Variants in LHFPL3 observed in about 807,000 individuals in gnomAD.
LHFPL3 encodes LHFPL tetraspan subfamily member 3, also known as LHFPL tetraspan subfamily member 3 protein.
In LHFPL3, 5 loss-of-function variants were observed where a neutral mutation model predicts 19.3. The ratio of observed to expected loss-of-function variants is 0.26; its 90% CI spans 0.14 to 0.54. The LOEUF is 0.54. Ranked by LOEUF, LHFPL3 falls within the 20% of genes least tolerant of loss-of-function variation. The pLI is 0.94. For missense variants in LHFPL3, 249 were observed against 307.4 expected (o/e 0.81, Z 1.42); for synonymous variants, 133 against 126.2 (o/e 1.05, Z -0.36).
chr7:104,646,125 A>T (rs2115917103), intron 1 of LHFPL3, among the ~76,000 whole-genome samples: 1 of 152,288 alleles, frequency 6.6e-6, no homozygotes, highest in African/African-American at 2.4e-5. Context: ...AAGGCACTTA[A>T]CCTCTGTGAG....
intron 1 of LHFPL3, among the ~76,000 whole-genome samples, chr7:104,701,877 T>A (rs540844980): frequency 8.2e-5 from 12 of 146,394 alleles, no homozygotes; most frequent in South Asian, 4.3e-4. Context: ...TTTAAAAAAA[T>A]TTATTATACT....
At chr7:104,329,713 G>A (rs1229650228) in intron 1 of LHFPL3, among the ~76,000 whole-genome samples, 1 of 152,182 alleles carries the variant, frequency 6.6e-6, no homozygotes, top group Non-Finnish European at 1.5e-5. Flanking sequence ...GGGGCGGGGG[G>A]CGGTGGCTGG....
chr7:104,620,696 A>G (rs2115800074), intron 1 of LHFPL3, among the ~76,000 whole-genome samples: 1 of 152,270 alleles, frequency 6.6e-6, no homozygotes, highest in African/African-American at 2.4e-5. Context: ...TGGGTACATA[A>G]TGGCCCGGAA....
chr7:104,608,822 C>G (rs145321568), intron 1 of LHFPL3, among the ~76,000 whole-genome samples: 1 of 152,128 alleles, frequency 6.6e-6, no homozygotes, highest in South Asian at 2.1e-4. Context: ...GATCCACCTA[C>G]GTGGACAAAT....
intron 2 of LHFPL3, among the ~76,000 whole-genome samples, chr7:104,902,742 C>T (rs1327876496): frequency 2.6e-5 from 4 of 152,104 alleles, no homozygotes; most frequent in African/African-American, 7.2e-5. Context: ...GCCGAGATCA[C>T]GCCACTGCAC....
At chr7:104,525,099 G>A (rs1270493838) in intron 1 of LHFPL3, among the ~76,000 whole-genome samples, 1 of 152,122 alleles carries the variant, frequency 6.6e-6, no homozygotes, top group Non-Finnish European at 1.5e-5. Context: ...TAGTGGGTGT[G>A]TTTGTTTCCC....
chr7:104,720,139 C>A (rs373730469), intron 1 of LHFPL3, among the ~76,000 whole-genome samples: 3 of 151,948 alleles, frequency 2.0e-5, no homozygotes, highest in Admixed American at 1.3e-4. Flanking sequence ...CTAATCTCAG[C>A]AGGCCTGCCT....
At chr7:104,417,333 CAGAT>C (rs1399971925) in intron 1 of LHFPL3, among the ~76,000 whole-genome samples, 2 of 152,126 alleles carry the variant, frequency 1.3e-5, no homozygotes, top group African/African-American at 2.4e-5. Context: ...AACAACTTCA[CAGAT>C]AGATAGTATG....
chr7:104,532,516 G>T (rs1187538179), intron 1 of LHFPL3, among the ~76,000 whole-genome samples: 1 of 151,960 alleles, frequency 6.6e-6, no homozygotes, highest in African/African-American at 2.4e-5. Flanking sequence ...TCTATCCAAA[G>T]CATGCACATA....
chr7:104,744,558 A>G (rs1481841416), intron 2 of LHFPL3, among the ~76,000 whole-genome samples: 1 of 152,210 alleles, frequency 6.6e-6, no homozygotes, highest in Non-Finnish European at 1.5e-5. Flanking sequence ...ATGCCCTTAT[A>G]GAATTGTCTT....
intron 1 of LHFPL3, among the ~76,000 whole-genome samples, chr7:104,653,370 A>C (rs1792064786): frequency 6.6e-6 from 1 of 152,202 alleles, no homozygotes; most frequent in Admixed American, 6.5e-5. Flanking sequence ...TTGAGGTTGG[A>C]GTAATAAGTG....
At chr7:104,841,528 G>GTGTGTCTT (rs1791208906) in intron 2 of LHFPL3, among the ~76,000 whole-genome samples, 2 of 151,726 alleles carry the variant, frequency 1.3e-5, no homozygotes, top group Non-Finnish European at 2.9e-5. Flanking sequence ...GTGTGTGTGT[G>GTGTGTCTT]TCTTTTAGGG....
chr7:104,645,237 C>T (rs1215495621), intron 1 of LHFPL3, among the ~76,000 whole-genome samples: 2 of 152,290 alleles, frequency 1.3e-5, no homozygotes, highest in East Asian at 1.9e-4. Context: ...TTTAATGATG[C>T]ATTTCTCCAA....
intron 1 of LHFPL3, among the ~76,000 whole-genome samples, chr7:104,351,695 G>C (rs1790177421): frequency 6.6e-6 from 1 of 152,140 alleles, no homozygotes; most frequent in Admixed American, 6.5e-5. Flanking sequence ...AATCCTAAGT[G>C]TTTGAGCGAA....
rs1330432941 is a variant in LHFPL3, at chr7:104,328,807, G to A, written c.28G>A (p.Ala10Thr). 6.2e-7 allele frequency: 1 copy of A among 1,606,220 alleles called. No individual in the cohort carries two copies. The highest frequency in any genetic ancestry group is 8.5e-7 in the Non-Finnish European group (1 of 1,176,038). MPGAAAAAA[A>T]AAAAMLPAQE... Reference sequence around the variant, plus strand: ...GCCCGGAGCCGCCGCCGCTGCCGCCGCCGCCGCCGCCGCGATGCTCCCGGC... The same window carrying A: ...GCCCGGAGCCGCCGCCGCTGCCGCCACCGCCGCCGCCGCGATGCTCCCGGC... The change falls in exon 1 of 3, where the codon GCC (alanine) becomes ACC (threonine). Residue 10 changes from alanine (A) to threonine (T), a missense_variant. Transcript: ENST00000424859. This position sits in a 1 kb window ranked among gnomAD's most constrained non-coding sequence, Gnocchi z 4.6.
At chr7:104,518,379 TAA>T (rs1179291922) in intron 1 of LHFPL3, among the ~76,000 whole-genome samples, 4 of 152,232 alleles carry the variant, frequency 2.6e-5, no homozygotes, top group African/African-American at 9.6e-5. Context: ...AAAAATATAT[TAA>T]GTTTGAATAA....
At chr7:104,480,545 T>C (rs1052240221) in intron 1 of LHFPL3, among the ~76,000 whole-genome samples, 1 of 152,264 alleles carries the variant, frequency 6.6e-6, no homozygotes, top group African/African-American at 2.4e-5. Context: ...CATGTAATTG[T>C]GCAGTCTGAA....
intron 1 of LHFPL3, among the ~76,000 whole-genome samples, chr7:104,530,454 T>C (rs1794274918): frequency 1.3e-5 from 2 of 152,080 alleles, no homozygotes; most frequent in Admixed American, 1.3e-4. Context: ...AGACTGAGAG[T>C]ACGGATGGTT....
chr7:104,557,618 C>G (rs1200503073), intron 1 of LHFPL3, among the ~76,000 whole-genome samples: 1 of 152,122 alleles, frequency 6.6e-6, no homozygotes, highest in African/African-American at 2.4e-5. Flanking sequence ...CCTGTTTCAC[C>G]ATGGAAGAAT....
Sources: gnomAD v4.1 joint callset for allele counts (sites outside exome capture counted in the v4.1 genomes callset) on GRCh38, gnomAD v4.1.1 for gene constraint, Gnocchi (gnomAD v3.1) non-coding constraint, MANE v1.5 for transcripts, NCBI Gene and HGNC (gene_info 2026-07-23, HGNC 2026-07-21) for gene names.